The following IDE variants were observed in gnomAD, a reference collection of about 807,000 sequenced individuals.
IDE encodes the protein insulin-degrading enzyme.
Under a neutral mutation model 133.2 loss-of-function variants are expected in IDE, and 58 were observed. The observed-to-expected ratio is 0.44, with a 90% CI of 0.35 to 0.54. The LOEUF is 0.54. Among genes scored for constraint, IDE ranks in the 20% least tolerant of loss-of-function variants. The pLI, the probability that IDE is intolerant of heterozygous loss-of-function variation, is 0.00. For synonymous variants in IDE, 396 were observed against 421.3 expected, an observed-to-expected ratio of 0.94 and a Z score of 0.73; for missense variants, 981 against 1,234.0, an observed-to-expected ratio of 0.79 and a Z score of 3.07.
intron 3 of IDE, among the ~76,000 whole-genome samples, chr10:92,532,164 A>T (rs1016359754): frequency 9.9e-5 from 15 of 152,184 alleles, no homozygotes; most frequent in African/African-American, 2.9e-4. Flanking sequence ...GTGAAAATTT[A>T]AAAAATTAAC....
chr10:92,472,672 C>G (rs1442107304), intron 17 of IDE, among the ~76,000 whole-genome samples: 1 of 130,392 alleles, frequency 7.7e-6, no homozygotes, highest in Admixed American at 8.6e-5. Flanking sequence ...GAGATGGAAT[C>G]TCTGTTGCCA....
At chr10:92,539,054 A>G (rs1484293920) in intron 1 of IDE, among the ~76,000 whole-genome samples, 2 of 152,078 alleles carry the variant, frequency 1.3e-5, no homozygotes, top group African/African-American at 4.8e-5. Flanking sequence ...TTGAGAGAGG[A>G]AAAAAAATCT....
chr10:92,455,497 AAAC>A (rs1844947626), intron 24 of IDE, 76 bp downstream of exon 24: 5 of 947,846 alleles, frequency 5.3e-6, no homozygotes, highest in Non-Finnish European at 8.4e-6. Context: ...AAAAAACAAA[AAAC>A]AAAAAAAACC....
intron 13 of IDE, among the ~76,000 whole-genome samples, chr10:92,486,575 G>A (rs1847010787): frequency 6.6e-6 from 1 of 152,088 alleles, no homozygotes. Flanking sequence ...CGTTTAGAAG[G>A]GAGAAGAAAT....
At position 92,574,004 on chromosome 10, in the gene IDE, C is replaced by G; in HGVS notation, c.16G>C (p.Ala6Pro). The G allele has an allele frequency of 9.3e-6, 14 of 1,511,874 alleles. No individual in the cohort carries two copies. The highest frequency in any genetic ancestry group is 1.2e-5 in the Non-Finnish European group (14 of 1,132,482). 93.7% of individuals were successfully genotyped at this position (1,511,874 alleles called of 1,614,324 possible). A position where few individuals can be genotyped will look rare whatever the true frequency, so the allele number is the denominator to read the frequency against. Residue 6 changes from alanine (A) to proline (P), a missense_variant, in exon 1 of 25, where the codon GCG (alanine) becomes CCG (proline). Coordinates refer to ENST00000265986, the MANE Select transcript of IDE (RefSeq NM_004969.4). ...GGCAGTGCGGGGTGCAGAAGCCACG[C>G]TAGCCGGTACCGCATTAGCCAGCGC... MRYRL[A>P]WLLHPALPST...
chr10:92,502,773 T>C (rs2135517124), intron 11 of IDE, among the ~76,000 whole-genome samples: 2 of 152,376 alleles, frequency 1.3e-5, no homozygotes, highest in Middle Eastern at 6.8e-3. Flanking sequence ...CAGTAAATTA[T>C]CTAGAGTTGA....
chr10:92,561,269 A>G (rs920706609), intron 1 of IDE, among the ~76,000 whole-genome samples: 3 of 151,126 alleles, frequency 2.0e-5, no homozygotes, highest in Non-Finnish European at 4.4e-5. Flanking sequence ...AAAAAAATAA[A>G]TAAGTAAATA....
At chr10:92,512,311 T>G (rs1001380482) in intron 5 of IDE, among the ~76,000 whole-genome samples, 1 of 152,166 alleles carries the variant, frequency 6.6e-6, no homozygotes, top group African/African-American at 2.4e-5. Flanking sequence ...TCCAGTTTCC[T>G]CCTCATACCT....
At position 92,456,365 on chromosome 10, in the gene IDE, C is replaced by A; in HGVS notation, c.2890G>T (p.Asp964Tyr). The A allele has an allele frequency of 1.2e-6, 2 of 1,611,882 alleles. No individual in the cohort carries two copies. Among genetic ancestry groups the A allele is most frequent in the Non-Finnish European group, 1.7e-6 (2 of 1,177,950 alleles). Residue 964 changes from aspartate (D) to tyrosine (Y), a missense_variant, in exon 23 of 25, where the codon GAT becomes TAT. Physicochemically the swap from Asp to Tyr is radical, Grantham distance 160. Coordinates refer to ENST00000265986, the MANE Select transcript of IDE (RefSeq NM_004969.4). ...GGCAACATTTGATACTTACAAGAAT[C>A]CATTTCCCTGGCAAGAACATGGACG... The part of the protein sequence containing the change: ...VSVHVLAREM[D>Y]SCPVVGEFPC...
chr10:92,476,100 A>G (rs898556091), intron 15 of IDE, 106 bp from the exon 16 acceptor site: 6 of 639,160 alleles, frequency 9.4e-6, no homozygotes, highest in African/African-American at 5.6e-5. Flanking sequence ...ACAGACATGT[A>G]AAAAATGAAA....
At chr10:92,473,261 T>C (rs371726393) in intron 17 of IDE, among the ~76,000 whole-genome samples, 8 of 152,092 alleles carry the variant, frequency 5.3e-5, no homozygotes, top group African/African-American at 1.9e-4. Flanking sequence ...TTAATGCTTA[T>C]GGCTGAGCAC....
intron 1 of IDE, among the ~76,000 whole-genome samples, chr10:92,554,072 C>A (rs1413922262): frequency 6.6e-6 from 1 of 152,104 alleles, no homozygotes; most frequent in Non-Finnish European, 1.5e-5. Flanking sequence ...GATGCAAATA[C>A]CCTCAACAAA....
rs192563243 is a variant in IDE, at chr10:92,514,926, C to A, written c.778G>T (p.Gly260Cys). 3 of 1,610,430 alleles carry A rather than the reference C, an allele frequency of 1.9e-6. No homozygotes were observed. The highest frequency in any genetic ancestry group is 1.7e-6 in the Non-Finnish European group (2 of 1,178,594). ...AAATTGTAAGGGTTCTTACCTCGAC[C>A]TAAAACACAAACAGCCATTAAGTTG... The part of the protein sequence containing the change: ...SSNLMAVCVL[G>C]RESLDDLTNL... Residue 260 changes from glycine (G) to cysteine (C), a missense_variant, in exon 5 of 25, where the codon GGT becomes TGT. This residue lies in a region of IDE where 321 missense variants were observed against 339.3 expected (regional missense o/e 0.95). Transcript: ENST00000265986.
chr10:92,528,167 T>A (rs1247399288), intron 4 of IDE, among the ~76,000 whole-genome samples: 1 of 152,250 alleles, frequency 6.6e-6, no homozygotes, highest in Admixed American at 6.5e-5. Context: ...CCCCTTGATT[T>A]ATTGTAATGA....
At chr10:92,489,510 C>T (rs1200746136) in intron 12 of IDE, among the ~76,000 whole-genome samples, 1 of 151,824 alleles carries the variant, frequency 6.6e-6, no homozygotes, top group Non-Finnish European at 1.5e-5. Context: ...CATGGTGACA[C>T]AGCGAGATTC....
In IDE at chr10:92,455,647, T is replaced by A. The variant is rs1260067919; in HGVS notation, c.2897-4A>T. On this transcript the variant is annotated splice_polypyrimidine_tract_variant and splice_region_variant and intron_variant, in intron 23 of 24. Transcript: ENST00000265986. ...GGGAACTCTCCAACAACAGGACCTA[T>A]AAGAAAATAAAAGGTTTAATACTTT... The A allele has an allele frequency of 7.7e-6, 12 of 1,556,748 alleles. No individual in the cohort carries two copies. Among genetic ancestry groups the A allele is most frequent in the Non-Finnish European group, 1.1e-5 (12 of 1,130,356 alleles).
intron 15 of IDE, among the ~76,000 whole-genome samples, chr10:92,479,023 T>A (rs1846439178): frequency 6.6e-6 from 1 of 151,944 alleles, no homozygotes; most frequent in African/African-American, 2.4e-5. Flanking sequence ...CAATTTTGTT[T>A]GAGTAGAAAA....
rs186053057 is a variant in IDE at position 92,561,307 on chromosome 10, T to G, written c.98+12615A>C. The stretch of plus-strand genomic sequence containing the variant: ...TAAATAAGTAAGGCGAACTCAGCAG[T>G]AGCACAGCTGTCTAAAGTAGACTTC... On this transcript the variant is annotated intron_variant, in intron 1 of 24. Transcript: ENST00000265986. Among the ~76,000 whole-genome samples the G allele has an allele frequency of 2.5e-4, 38 of 152,114 alleles. No homozygotes were observed. In the East Asian group the frequency reaches 7.2e-3, roughly 29 times the overall value.
intron 14 of IDE, among the ~76,000 whole-genome samples, chr10:92,480,295 T>A (rs758636174): frequency 2.0e-5 from 3 of 152,210 alleles, no homozygotes; most frequent in Non-Finnish European, 4.4e-5. Context: ...TATTATATGC[T>A]TACTACAGTG....
Sources: allele counts gnomAD v4.1 joint callset (sites outside exome capture counted in the v4.1 genomes callset), GRCh38; gene constraint gnomAD v4.1.1; regional missense constraint gnomAD v4.1.1; transcripts MANE v1.5; gene names NCBI Gene and HGNC (gene_info 2026-07-23, HGNC 2026-07-21).